Variants in MDFIC2 observed in about 807,000 individuals in gnomAD.
MDFIC2 encodes the protein myoD family inhibitor domain-containing protein 2.
At chr3:70,244,207 C>A (rs991691088) in intron 2 of MDFIC2, among the ~76,000 whole-genome samples, 1 of 152,162 alleles carries the variant, frequency 6.6e-6, no homozygotes, top group Non-Finnish European at 1.5e-5. Flanking sequence ...TAACAAGATG[C>A]TTCCTTACTC....
At chr3:70,233,672 G>A (rs1575603080) in intron 2 of MDFIC2, among the ~76,000 whole-genome samples, 1 of 152,032 alleles carries the variant, frequency 6.6e-6, no homozygotes, top group East Asian at 1.9e-4. Context: ...CCTTCAGTAG[G>A]CAACCTGCGA....
intron 2 of MDFIC2, among the ~76,000 whole-genome samples, chr3:70,258,028 A>G (rs1366991585): frequency 6.6e-6 from 1 of 152,190 alleles, no homozygotes; most frequent in Non-Finnish European, 1.5e-5. Flanking sequence ...TAAATGGGGG[A>G]AATGGAGAGT....
intron 3 of MDFIC2, chr3:70,204,410 T>C (rs1233671713): frequency 6.6e-6 from 1 of 152,170 alleles, no homozygotes; most frequent in East Asian, 1.9e-4. Context: ...TTGTTTGCTG[T>C]TTAGGATAAT....
chr3:70,256,088 T>C (rs1040072151), intron 2 of MDFIC2, among the ~76,000 whole-genome samples: 3 of 152,204 alleles, frequency 2.0e-5, no homozygotes, highest in African/African-American at 7.2e-5. Context: ...AATTCAGGGT[T>C]TTAGGTAATG....
intron 2 of MDFIC2, among the ~76,000 whole-genome samples, chr3:70,256,532 C>T (rs1701818021): frequency 6.6e-6 from 1 of 152,070 alleles, no homozygotes; most frequent in African/African-American, 2.4e-5. Context: ...GTATTGAAAC[C>T]CTAGTGACTT....
intron 2 of MDFIC2, among the ~76,000 whole-genome samples, chr3:70,252,346 G>T (rs1701777620): frequency 2.0e-5 from 3 of 152,162 alleles, no homozygotes. Context: ...CCTTTCATAG[G>T]TGTCACCCCA....
At chr3:70,294,646 A>T (rs965330707) in intron 2 of MDFIC2, among the ~76,000 whole-genome samples, 1 of 152,278 alleles carries the variant, frequency 6.6e-6, no homozygotes, top group East Asian at 1.9e-4. Flanking sequence ...CAACTCAAAC[A>T]GGCTCAAAAA....
chr3:70,309,137 C>A (rs1575622309), intron 2 of MDFIC2, among the ~76,000 whole-genome samples: 1 of 152,118 alleles, frequency 6.6e-6, no homozygotes, highest in African/African-American at 2.4e-5. Context: ...TTGTGGAAGT[C>A]ACTGTAATAA....
rs114405357 is a variant in MDFIC2, at chr3:70,248,494, A to G, written c.89-41704T>C. ...AGGAAATGGAACTTGAAAAGTAGGC[A>G]TAGCTCAGAACTTGGAGGCTCATAT... On this transcript the variant is annotated intron_variant, in intron 2 of 3. Transcript: ENST00000567252. 5.5e-3 allele frequency among the ~76,000 whole-genome samples: 831 copies of G among 152,228 alleles called. 8 individuals carry two copies. The highest frequency in any genetic ancestry group is 0.017 in the African/African-American group (711 of 41,558).
At chr3:70,212,454 A>G (rs1277353556) in intron 2 of MDFIC2, among the ~76,000 whole-genome samples, 1 of 152,020 alleles carries the variant, frequency 6.6e-6, no homozygotes, top group East Asian at 1.9e-4. Context: ...GCTTAAAACT[A>G]TTATTTGACT....
chr3:70,273,576 TA>T (rs749527162), intron 2 of MDFIC2, among the ~76,000 whole-genome samples: 1 of 151,990 alleles, frequency 6.6e-6, no homozygotes, highest in Non-Finnish European at 1.5e-5. Context: ...ATGAGGACAT[TA>T]AAAAAAAGAA....
In MDFIC2 at chr3:70,241,134, C is replaced by T. The variant is rs147227642; in HGVS notation, c.89-34344G>A. Among the ~76,000 whole-genome samples, 95 of 152,174 alleles carry T rather than the reference C, an allele frequency of 6.2e-4. 1 individual carries two copies. The highest frequency in any genetic ancestry group is 2.2e-3 in the African/African-American group (90 of 41,506). ...TGGATGGAGTACCATAAATGACATA[C>T]GGGCTGATAAATTTATCAGTTCCTG... On this transcript the variant is annotated intron_variant, in intron 2 of 3. Transcript: ENST00000567252.
intron 2 of MDFIC2, among the ~76,000 whole-genome samples, chr3:70,219,467 A>G (rs1701442699): frequency 6.6e-6 from 1 of 152,200 alleles, no homozygotes. Context: ...CTGATCCAGA[A>G]ATAATTTGTT....
chr3:70,212,987 T>A (rs1701365773), intron 2 of MDFIC2, among the ~76,000 whole-genome samples: 1 of 152,042 alleles, frequency 6.6e-6, no homozygotes, highest in South Asian at 2.1e-4. Flanking sequence ...ATTTGTATTT[T>A]GTGCAGAGAC....
At chr3:70,243,923 T>C (rs1182735791) in intron 2 of MDFIC2, among the ~76,000 whole-genome samples, 2 of 152,152 alleles carry the variant, frequency 1.3e-5, no homozygotes, top group Non-Finnish European at 2.9e-5. Context: ...CTAGAGTAAG[T>C]AACAGAGGAG....
Position 70,196,323 on chromosome 3 carries a change from G to A in MDFIC2, c.*603C>T, listed in dbSNP as rs914762337. On this transcript the variant is annotated 3_prime_UTR_variant, in exon 4 of 4. Transcript: ENST00000567252. The stretch of plus-strand genomic sequence containing the variant: ...ACCATATTCAAAATTCACTGGAGAT[G>A]TTTTAGAGACATCTGTTGTAATTAC... Among the ~76,000 whole-genome samples the A allele has an allele frequency of 1.3e-5, 2 of 152,146 alleles. No individual in the cohort carries two copies. The highest frequency in any genetic ancestry group is 2.9e-5 in the Non-Finnish European group (2 of 68,016).
intron 2 of MDFIC2, among the ~76,000 whole-genome samples, chr3:70,301,943 G>T (rs147113392): frequency 2.0e-5 from 3 of 152,212 alleles, no homozygotes; most frequent in Admixed American, 2.0e-4. Context: ...TCTGTTGTTT[G>T]AGATTAGAAA....
intron 2 of MDFIC2, among the ~76,000 whole-genome samples, chr3:70,235,686 T>C (rs1280945286): frequency 1.3e-5 from 2 of 152,210 alleles, no homozygotes; most frequent in Non-Finnish European, 2.9e-5. Flanking sequence ...GTCTGCACAA[T>C]GTGTAAGGGT....
intron 2 of MDFIC2, among the ~76,000 whole-genome samples, chr3:70,275,303 A>C (rs1702012908): frequency 6.6e-6 from 1 of 152,140 alleles, no homozygotes; most frequent in South Asian, 2.1e-4. Flanking sequence ...CAGGAGGATC[A>C]CTTGAGCCCA....
Sources: allele counts gnomAD v4.1 joint callset (sites outside exome capture counted in the v4.1 genomes callset), GRCh38; gene constraint gnomAD v4.1.1; transcripts MANE v1.5; gene names NCBI Gene and HGNC (gene_info 2026-07-23, HGNC 2026-07-21).